The following MBNL1 variants were observed in gnomAD, a reference collection of about 807,000 sequenced individuals.
The protein encoded by MBNL1 is muscleblind like splicing regulator 1, also known as muscleblind-like protein 1.
A neutral mutation model predicts 42.2 loss-of-function variants in MBNL1; 8 were observed. The ratio of observed to expected loss-of-function variants is 0.19; its 90% CI spans 0.11 to 0.34. The LOEUF (loss-of-function observed/expected upper bound fraction) is 0.34. Among genes scored for constraint, MBNL1 ranks in the 10% least tolerant of loss-of-function variants. The probability of loss-of-function intolerance (pLI) is 1.00; values close to 1 mark genes in which losing one functional copy is unlikely to be tolerated. For missense variants in MBNL1, 309 were observed against 495.3 expected (o/e 0.62, Z 3.57); for synonymous variants, 169 against 173.9 (o/e 0.97, Z 0.22).
At chr3:152,351,987 G>A (rs926323531) in intron 2 of MBNL1, among the ~76,000 whole-genome samples, 3 of 151,856 alleles carry the variant, frequency 2.0e-5, no homozygotes, top group Non-Finnish European at 4.4e-5. Flanking sequence ...ACAAATGATC[G>A]ATAATCTATT....
chr3:152,387,060 C>T lies in MBNL1; in HGVS notation c.175-27881C>T, dbSNP rs569795332. ...TTGAGTTTTGAACCCTTCTGAGACC[C>T]CGTATAGCTTTAATAGTCTTTAGTT... On this transcript the variant is annotated intron_variant, in intron 2 of 9. Transcript: ENST00000324210. 2.2e-4 allele frequency among the ~76,000 whole-genome samples: 34 copies of T among 152,124 alleles called. 2 individuals are homozygous for T. In the South Asian group the frequency reaches 2.5e-3, roughly 11 times the overall value.
At chr3:152,346,914 C>CA (rs1247621174) in intron 2 of MBNL1, among the ~76,000 whole-genome samples, 15 of 150,132 alleles carry the variant, frequency 1.0e-4, no homozygotes, top group Non-Finnish European at 2.1e-4. Flanking sequence ...CATGGTGACT[C>CA]ACGCTTGTAA....
chr3:152,372,719 A>G lies in MBNL1; in HGVS notation c.175-42222A>G, dbSNP rs963226639. On this transcript the variant is annotated intron_variant, in intron 2 of 9. Transcript: ENST00000324210. ...CCAGATGCTAGTGGAGCTCTCCTGT[A>G]TGAGGTGTCTGTTGACCCCTGCTGG... Among the ~76,000 whole-genome samples, 68 of 152,124 alleles carry G rather than the reference A, an allele frequency of 4.5e-4. 1 individual carries two copies. The highest frequency in any genetic ancestry group is 8.8e-5 in the Non-Finnish European group (6 of 68,004).
At chr3:152,267,400 T>G (rs2037493695), upstream of MBNL1, 2 of 152,270 alleles carry the variant, frequency 1.3e-5, no homozygotes, top group Non-Finnish European at 2.9e-5. Flanking sequence ...AATCGGTTTG[T>G]CTCTCACCTA....
intron 3 of MBNL1, among the ~76,000 whole-genome samples, chr3:152,428,981 A>G (rs1386200194): frequency 3.9e-5 from 6 of 152,216 alleles, no homozygotes; most frequent in Admixed American, 1.3e-4. Flanking sequence ...TCACTCAAGT[A>G]CTAATTCAAC....
intron 2 of MBNL1, among the ~76,000 whole-genome samples, chr3:152,364,843 T>C (rs1008338576): frequency 6.6e-6 from 1 of 151,996 alleles, no homozygotes; most frequent in Non-Finnish European, 1.5e-5. Flanking sequence ...ATACAATTTG[T>C]TATTTTGTGA....
chr3:152,252,265 T>TTCCTCCCTTCCTCCCCCCCTTTAG (rs2034742622), intron 2 of MBNL1, among the ~76,000 whole-genome samples: 1 of 148,546 alleles, frequency 6.7e-6, no homozygotes, highest in Non-Finnish European at 1.5e-5. Flanking sequence ...CTTCCCTTTA[T>TTCCTCCCTTCCTCCCCCCCTTTAG]TCCTCCCTTC....
chr3:152,250,801 C>T (rs1165893405), intron 2 of MBNL1, among the ~76,000 whole-genome samples: 1 of 151,848 alleles, frequency 6.6e-6, no homozygotes, highest in African/African-American at 2.4e-5. Context: ...CCCATCAATA[C>T]CTAATTTATT....
At chr3:152,264,134 CTTTTATT>C (rs1176718940), upstream of MBNL1, 2 of 152,124 alleles carry the variant, frequency 1.3e-5, no homozygotes, top group Admixed American at 6.5e-5. Flanking sequence ...ATATGTTTAT[CTTTTATT>C]TTTTATTTTT....
At chr3:152,394,289 CTA>C (rs1560425222) in intron 2 of MBNL1, among the ~76,000 whole-genome samples, 1 of 152,164 alleles carries the variant, frequency 6.6e-6, no homozygotes, top group African/African-American at 2.4e-5. Flanking sequence ...GTCTGTCTGA[CTA>C]TTTATATACA....
At chr3:152,295,949 G>T (rs1368861293) in intron 1 of MBNL1, among the ~76,000 whole-genome samples, 1 of 152,164 alleles carries the variant, frequency 6.6e-6, no homozygotes, top group African/African-American at 2.4e-5. Flanking sequence ...CAAGAAAGAG[G>T]GAGTTGTAAA....
chr3:152,312,643 T>C (rs950767499), intron 2 of MBNL1, among the ~76,000 whole-genome samples: 1 of 152,210 alleles, frequency 6.6e-6, no homozygotes, highest in African/African-American at 2.4e-5. Context: ...AAGATTGTTA[T>C]ATAGATTCAA....
At chr3:152,347,580 C>G (rs1351089389) in intron 2 of MBNL1, among the ~76,000 whole-genome samples, 1 of 152,006 alleles carries the variant, frequency 6.6e-6, no homozygotes, top group Non-Finnish European at 1.5e-5. Context: ...TAATGGAAGT[C>G]AGGAGCTTTA....
At chr3:152,326,603 A>G (rs1322324991) in intron 2 of MBNL1, among the ~76,000 whole-genome samples, 1 of 152,024 alleles carries the variant, frequency 6.6e-6, no homozygotes, top group East Asian at 1.9e-4. Context: ...AGATCTTTTC[A>G]TAGTAACTAA....
At chr3:152,333,733 G>A (rs1159957948) in intron 2 of MBNL1, among the ~76,000 whole-genome samples, 1 of 152,166 alleles carries the variant, frequency 6.6e-6, no homozygotes, top group Non-Finnish European at 1.5e-5. Context: ...GGCACACAAT[G>A]TTACCTTACC....
At chr3:152,303,861 AT>A (rs2061752092) in intron 2 of MBNL1, among the ~76,000 whole-genome samples, 1 of 152,156 alleles carries the variant, frequency 6.6e-6, no homozygotes, top group Non-Finnish European at 1.5e-5. Flanking sequence ...TTTACTATCT[AT>A]TTTCCAAAAA....
chr3:152,323,334 A>G (rs752419185), intron 2 of MBNL1, among the ~76,000 whole-genome samples: 8 of 152,106 alleles, frequency 5.3e-5, no homozygotes, highest in Admixed American at 1.3e-4. Context: ...TAAATAACCT[A>G]AAGGAATTTT....
At position 152,322,142 on chromosome 3, in the gene MBNL1, A is replaced by G. The variant is rs114481936; in HGVS notation, c.174+21775A>G. On this transcript the variant is annotated intron_variant, in intron 2 of 9. Transcript: ENST00000324210. ...ACATTAGAACTCTGTCATACTCCTA[A>G]TATAGACCATTGCTGTTAGGTTTCT... Among the ~76,000 whole-genome samples, 966 of 152,182 alleles carry G rather than the reference A, an allele frequency of 6.3e-3. 13 individuals carry two copies. Among genetic ancestry groups the G allele is most frequent in the African/African-American group, 0.023 (936 of 41,548 alleles).
chr3:152,288,981 C>G (rs886064563), intron 1 of MBNL1, among the ~76,000 whole-genome samples: 1 of 151,806 alleles, frequency 6.6e-6, no homozygotes, highest in Non-Finnish European at 1.5e-5. Context: ...CATGTTCCCA[C>G]AAGAGAAATT....
Sources: allele counts gnomAD v4.1 joint callset (sites outside exome capture counted in the v4.1 genomes callset), GRCh38; gene constraint gnomAD v4.1.1; transcripts MANE v1.5; gene names NCBI Gene and HGNC (gene_info 2026-07-23, HGNC 2026-07-21).